Variants in PHACTR3 observed in about 807,000 individuals in gnomAD.
PHACTR3 encodes the protein phosphatase and actin regulator 3, also known as protein phosphatase 1, regulatory subunit 123.
A neutral mutation model predicts 66.8 loss-of-function variants in PHACTR3; 16 were observed. The ratio of observed to expected loss-of-function variants is 0.24; its 90% CI spans 0.16 to 0.36. PHACTR3 has a LOEUF of 0.36. Among genes scored for constraint, PHACTR3 ranks in the 10% least tolerant of loss-of-function variants. PHACTR3 has a pLI of 1.00. For synonymous variants in PHACTR3, 323 were observed against 292.1 expected, an observed-to-expected ratio of 1.11 and a Z score of -1.08; for missense variants, 647 against 719.9, an observed-to-expected ratio of 0.90 and a Z score of 1.16.
intron 7 of PHACTR3, among the ~76,000 whole-genome samples, chr20:59,786,197 G>A (rs1185079902): frequency 6.6e-6 from 1 of 152,262 alleles, no homozygotes; most frequent in African/African-American, 2.4e-5. Context: ...CCCCCAGGGA[G>A]TGCAGGCTAG....
At chr20:59,737,265 C>G (rs2038978723) in intron 1 of PHACTR3, among the ~76,000 whole-genome samples, 1 of 152,166 alleles carries the variant, frequency 6.6e-6, no homozygotes. Flanking sequence ...GCCCTCGAGG[C>G]TCCCTGAGGA....
intron 1 of PHACTR3, among the ~76,000 whole-genome samples, chr20:59,702,911 C>T (rs781668186): frequency 3.3e-5 from 5 of 152,176 alleles, no homozygotes; most frequent in African/African-American, 9.6e-5. Context: ...GCCTGAGTTT[C>T]GTCTACATGG....
At chr20:59,655,028 C>T (rs1172058165) in intron 1 of PHACTR3, among the ~76,000 whole-genome samples, 1 of 152,012 alleles carries the variant, frequency 6.6e-6, no homozygotes, top group Non-Finnish European at 1.5e-5. Flanking sequence ...AATAAAGCTT[C>T]TGTGAGGATT....
intron 1 of PHACTR3, among the ~76,000 whole-genome samples, chr20:59,623,067 C>T (rs1488160060): frequency 1.4e-5 from 2 of 145,060 alleles, no homozygotes; most frequent in Non-Finnish European, 3.0e-5. Context: ...AAAAACACTC[C>T]CCCACCCCTT....
intron 1 of PHACTR3, among the ~76,000 whole-genome samples, chr20:59,710,489 G>A (rs1034027015): frequency 2.0e-5 from 3 of 152,182 alleles, no homozygotes; most frequent in African/African-American, 7.2e-5. Flanking sequence ...ACAGCAGCGA[G>A]TTCACTGGCT....
intron 1 of PHACTR3, among the ~76,000 whole-genome samples, chr20:59,669,272 G>T (rs567141950): frequency 1.3e-5 from 2 of 152,186 alleles, no homozygotes; most frequent in Admixed American, 1.3e-4. Context: ...AGTTTTCTCA[G>T]CATTCCCTGT....
chr20:59,700,202 A>G (rs1239140347), intron 1 of PHACTR3, among the ~76,000 whole-genome samples: 3 of 152,078 alleles, frequency 2.0e-5, no homozygotes, highest in Non-Finnish European at 4.4e-5. Context: ...TTTCATGGAG[A>G]TGGATGTTGG....
rs145975112 is a variant in PHACTR3, at chr20:59,609,225, G to A, written c.118+4093G>A. On this transcript the variant is annotated intron_variant, in intron 1 of 12. Transcript: ENST00000371015. ...TCCTCTCCTGTCATGAGCTACAGAC[G>A]GATGCACAGACACATTCCCCAGGCC... Among the ~76,000 whole-genome samples, 286 of 152,312 alleles carry A rather than the reference G, an allele frequency of 1.9e-3. 1 individual carries two copies. The highest frequency in any genetic ancestry group is 2.9e-3 in the Non-Finnish European group (197 of 68,030).
intron 3 of PHACTR3, among the ~76,000 whole-genome samples, chr20:59,750,413 C>T (rs781178745): frequency 1.1e-4 from 16 of 152,074 alleles, no homozygotes; most frequent in Admixed American, 2.0e-4. Flanking sequence ...CAGCTGATTC[C>T]GACTTTGATG....
chr20:59,807,620 C>T (rs777824051), intron 8 of PHACTR3, among the ~76,000 whole-genome samples: 1 of 152,160 alleles, frequency 6.6e-6, no homozygotes, highest in African/African-American at 2.4e-5. Flanking sequence ...CGGTTACACG[C>T]ACTAGACTTT....
chr20:59,770,884 G>A (rs2040336177), intron 5 of PHACTR3, among the ~76,000 whole-genome samples: 1 of 152,226 alleles, frequency 6.6e-6, no homozygotes, highest in Non-Finnish European at 1.5e-5. Context: ...AACTCTGCGG[G>A]ATGGGAGTCC....
intron 2 of PHACTR3, among the ~76,000 whole-genome samples, chr20:59,743,734 T>C (rs1027972910): frequency 6.6e-6 from 1 of 152,226 alleles, no homozygotes; most frequent in African/African-American, 2.4e-5. Context: ...CCCCCACAGA[T>C]GCAGGTTTAG....
At chr20:59,737,631 G>A (rs2038999614) in intron 1 of PHACTR3, among the ~76,000 whole-genome samples, 1 of 151,964 alleles carries the variant, frequency 6.6e-6, no homozygotes, top group African/African-American at 2.4e-5. Context: ...TAAAGAGGAA[G>A]GCAAGAAATA....
chr20:59,828,785 C>A (rs2042264939), intron 8 of PHACTR3, among the ~76,000 whole-genome samples: 1 of 151,822 alleles, frequency 6.6e-6, no homozygotes, highest in Non-Finnish European at 1.5e-5. Flanking sequence ...TGGAGTTTGT[C>A]CTGAGGATGG....
At chr20:59,635,101 C>CTTTCTTTCTT (rs1458059575) in intron 1 of PHACTR3, among the ~76,000 whole-genome samples, 60 of 92,982 alleles carry the variant, frequency 6.5e-4, no homozygotes, top group African/African-American at 1.9e-3. Context: ...TTCTTTCTCT[C>CTTTCTTTCTT]TCTTTCTTTC....
At chr20:59,677,762 G>A (rs1273421367) in intron 1 of PHACTR3, among the ~76,000 whole-genome samples, 2 of 152,124 alleles carry the variant, frequency 1.3e-5, no homozygotes, top group Admixed American at 6.5e-5. Context: ...TGTTCTTTGA[G>A]GAGGAATTAC....
chr20:59,841,461 G>A lies in PHACTR3; in HGVS notation c.1513G>A (p.Val505Met), dbSNP rs1224648011. The A allele has an allele frequency of 6.2e-7, 1 of 1,613,536 alleles. No homozygotes were observed. The highest frequency in any genetic ancestry group is 1.7e-5 in the Admixed American group (1 of 59,946). The change falls in exon 11 of 13, where the codon GTG becomes ATG. Residue 505 changes from valine (V) to methionine (M), a missense_variant. By Grantham distance (21) the Val-to-Met change is conservative. Transcript: ENST00000371015. ...RKILIRFSDY[V>M]EVAKAQDYDR... The stretch of plus-strand genomic sequence containing the variant: ...AATTCTGATACGATTCAGTGATTAC[G>A]TGGAAGTAGCAAAAGCGCAGGACTA...
At position 59,629,168 on chromosome 20, in the gene PHACTR3, C is replaced by T. The variant is rs138870784; in HGVS notation, c.118+24036C>T. Among the ~76,000 whole-genome samples the T allele has an allele frequency of 6.3e-3, 960 of 152,332 alleles. 4 individuals are homozygous for T. The highest frequency in any genetic ancestry group is 0.01 in the Non-Finnish European group (705 of 68,032). ...CCCTTGGCTCCTGAAGTGGCATGGGCGACGTGTGTGGATGCTGACTGGATG... is the reference window on the plus strand; with the variant it reads ...CCCTTGGCTCCTGAAGTGGCATGGGTGACGTGTGTGGATGCTGACTGGATG... On this transcript the variant is annotated intron_variant, in intron 1 of 12. Transcript: ENST00000371015.
intron 2 of PHACTR3, 29 bp downstream of exon 2, chr20:59,743,297 G>A (rs774617885): frequency 2.5e-6 from 4 of 1,611,432 alleles, no homozygotes; most frequent in Non-Finnish European, 3.4e-6. Flanking sequence ...GCGCGGGCAG[G>A]CTGTGGCTGG....
Sources: gnomAD v4.1 joint callset for allele counts (sites outside exome capture counted in the v4.1 genomes callset) on GRCh38, gnomAD v4.1.1 for gene constraint, MANE v1.5 for transcripts, NCBI Gene and HGNC (gene_info 2026-07-23, HGNC 2026-07-21) for gene names.